The following INPP5A variants were observed in gnomAD, a reference collection of about 807,000 sequenced individuals.
The protein encoded by INPP5A is 43 kDa inositol polyphosphate 5-phophatase.
INPP5A carries 14 observed loss-of-function variants against 65.2 expected under a neutral mutation model. The ratio of observed to expected loss-of-function variants is 0.21; its 90% CI spans 0.14 to 0.34. INPP5A has a LOEUF of 0.34. INPP5A is among the 10% of genes least tolerant of loss of function. The pLI is 1.00. For synonymous variants in INPP5A, 207 were observed against 208.3 expected, an observed-to-expected ratio of 0.99 and a Z score of 0.05; for missense variants, 431 against 545.6, an observed-to-expected ratio of 0.79 and a Z score of 2.09.
At chr10:132,543,484 G>A (rs79719899) in intron 1 of INPP5A, among the ~76,000 whole-genome samples, 7,574 of 152,272 alleles carry the variant, frequency 0.05, 218 homozygotes, top group Non-Finnish European at 0.074. Context: ...TGGTGTGATC[G>A]CAGCTCACTG....
chr10:132,718,572 G>C (rs1302824133), intron 8 of INPP5A, among the ~76,000 whole-genome samples: 21 of 149,796 alleles, frequency 1.4e-4, no homozygotes, highest in Non-Finnish European at 2.7e-4. Flanking sequence ...TCAGGGTTCT[G>C]TGGTACCTGG....
At chr10:132,775,600 C>G (rs1336438566) in intron 12 of INPP5A, among the ~76,000 whole-genome samples, 3 of 152,146 alleles carry the variant, frequency 2.0e-5, no homozygotes, top group African/African-American at 7.2e-5. Flanking sequence ...TTGCCCCCAA[C>G]AGCCTGGCCA....
chr10:132,758,895 G>A (rs1002329021), intron 11 of INPP5A, among the ~76,000 whole-genome samples: 1 of 152,186 alleles, frequency 6.6e-6, no homozygotes, highest in African/African-American at 2.4e-5. Context: ...GTCGGGTTTC[G>A]TCAGTTGGAT....
intron 2 of INPP5A, among the ~76,000 whole-genome samples, chr10:132,630,282 G>A (rs1386733589): frequency 6.6e-6 from 1 of 151,248 alleles, no homozygotes; most frequent in Admixed American, 6.6e-5. Flanking sequence ...AGGCATCCTT[G>A]AGGGGAAGGC....
intron 1 of INPP5A, among the ~76,000 whole-genome samples, chr10:132,543,106 G>A (rs1483183590): frequency 6.6e-6 from 1 of 152,122 alleles, no homozygotes; most frequent in Non-Finnish European, 1.5e-5. Flanking sequence ...CTCACACCCA[G>A]CCCTTTCTCC....
intron 11 of INPP5A, among the ~76,000 whole-genome samples, chr10:132,760,070 C>A (rs750427400): frequency 6.6e-6 from 1 of 152,208 alleles, no homozygotes; most frequent in African/African-American, 2.4e-5. Flanking sequence ...GCAGGAAGCC[C>A]GGTGCTCTGC....
rs1032178861 is a variant in INPP5A, at chr10:132,555,170, G to T, written c.75+16999G>T. Among the ~76,000 whole-genome samples, 3 of 151,876 alleles carry T rather than the reference G, an allele frequency of 2.0e-5. No homozygotes were observed. In the East Asian group the frequency reaches 5.8e-4, roughly 29 times the overall value. On this transcript the variant is annotated intron_variant, in intron 1 of 15. Coordinates refer to ENST00000368594, the MANE Select transcript of INPP5A (RefSeq NM_005539.5). The surrounding 1 kb of genome is among the most constrained non-coding windows in gnomAD (Gnocchi z 4.4). ...TGGGTGGCATAGATGGCATGGTGGG[G>T]TGGGGGGGTGTGGATGGCAAGCGGC...
rs370028069 is a variant in INPP5A, at chr10:132,603,969, C to T, written c.76-3946C>T. Among the ~76,000 whole-genome samples the T allele has an allele frequency of 2.1e-4, 24 of 111,858 alleles. No homozygotes were observed. The highest frequency in any genetic ancestry group is 4.4e-4 in the African/African-American group (13 of 29,314). 73.4% of individuals were successfully genotyped at this position (111,858 alleles called of 152,430 possible). On this transcript the variant is annotated intron_variant, in intron 1 of 15. Transcript: ENST00000368594. The surrounding 1 kb of genome is among the most constrained non-coding windows in gnomAD (Gnocchi z 4.2). ...AAGGTCCCCTCTCCGTCCCGCCCTG[C>T]GCCGTCAGGGTCCCCTCTCCGTCCC...
At chr10:132,548,603 C>T (rs1785075338) in intron 1 of INPP5A, among the ~76,000 whole-genome samples, 1 of 152,122 alleles carries the variant, frequency 6.6e-6, no homozygotes, top group South Asian at 2.1e-4. Context: ...GAGACACTTC[C>T]CTCCTCAGTC....
intron 7 of INPP5A, 110 bp from the exon 8 acceptor site, chr10:132,710,227 A>T (rs1845610248): frequency 1.5e-6 from 2 of 1,333,914 alleles, no homozygotes; most frequent in Non-Finnish European, 2.0e-6. Flanking sequence ...GTGGCTCCGC[A>T]CGGCGGAGGC....
chr10:132,567,216 T>G (rs2071283944), intron 1 of INPP5A, among the ~76,000 whole-genome samples: 1 of 152,212 alleles, frequency 6.6e-6, no homozygotes, highest in Non-Finnish European at 1.5e-5. Context: ...CACTGTCAGA[T>G]TCTCATCCCA....
At chr10:132,719,551 G>A (rs1845820895) in intron 8 of INPP5A, among the ~76,000 whole-genome samples, 1 of 149,872 alleles carries the variant, frequency 6.7e-6, no homozygotes. Context: ...TGGTGCCTGG[G>A]TTCTGTCTGG....
intron 7 of INPP5A, 100 bp from the exon 8 acceptor site, chr10:132,710,237 C>T: frequency 7.1e-7 from 1 of 1,405,490 alleles, no homozygotes; most frequent in Non-Finnish European, 9.7e-7. Context: ...ACGGCGGAGG[C>T]CAGTGCAGGT....
intron 9 of INPP5A, among the ~76,000 whole-genome samples, chr10:132,733,951 C>G (rs1846131496): frequency 6.6e-6 from 1 of 152,326 alleles, no homozygotes; most frequent in South Asian, 2.1e-4. Context: ...CTGGGCTCTC[C>G]CGGACCTGCG....
chr10:132,774,872 AGG>A (rs1847021130), intron 12 of INPP5A, among the ~76,000 whole-genome samples: 5 of 52,856 alleles, frequency 9.5e-5, no homozygotes, highest in Admixed American at 2.4e-4. Context: ...GAGGAGGGGC[AGG>A]GAGGAGAGGC....
chr10:132,581,455 A>C (rs1223905475), intron 1 of INPP5A, among the ~76,000 whole-genome samples: 1 of 152,148 alleles, frequency 6.6e-6, no homozygotes, highest in Non-Finnish European at 1.5e-5. Flanking sequence ...ATTTAGTTTT[A>C]TCAGAGGCTC....
chr10:132,744,624 G>T (rs1272278540), intron 9 of INPP5A, among the ~76,000 whole-genome samples: 5 of 152,210 alleles, frequency 3.3e-5, no homozygotes, highest in Non-Finnish European at 7.3e-5. Flanking sequence ...CTGCCCCTTA[G>T]TAGCTGCCTG....
intron 2 of INPP5A, among the ~76,000 whole-genome samples, chr10:132,630,184 G>A (rs547096021): frequency 6.6e-6 from 1 of 152,316 alleles, no homozygotes; most frequent in East Asian, 1.9e-4. Context: ...GTCCATGAGG[G>A]TAAGGTGTCC....
rs1310440141 is a variant in INPP5A at position 132,651,587 on chromosome 10, G to A, written c.306+1082G>A. On this transcript the variant is annotated intron_variant, in intron 4 of 15. Coordinates refer to ENST00000368594, the MANE Select transcript of INPP5A (RefSeq NM_005539.5). The surrounding 1 kb of genome is among the most constrained non-coding windows in gnomAD (Gnocchi z 5.0). ...CTGGCCTTCTGTCCCCAGCATCAGC[G>A]CCCACTAGCCGTCATTGCGCCGTCA... Among the ~76,000 whole-genome samples, 1 of 152,134 alleles carries A rather than the reference G, an allele frequency of 6.6e-6. No homozygotes were observed. The highest frequency in any genetic ancestry group is 2.4e-5 in the African/African-American group (1 of 41,426).
Sources: allele counts gnomAD v4.1 joint callset (sites outside exome capture counted in the v4.1 genomes callset), GRCh38; gene constraint gnomAD v4.1.1; non-coding constraint Gnocchi (gnomAD v3.1); transcripts MANE v1.5; gene names NCBI Gene and HGNC (gene_info 2026-07-23, HGNC 2026-07-21).